PADI4: variants seen among roughly 807,000 people sequenced by gnomAD.
The protein encoded by PADI4 is protein-arginine deiminase type-4.
A neutral mutation model predicts 75.0 loss-of-function variants in PADI4; 62 were observed. The observed-to-expected ratio is 0.83, with a 90% CI of 0.67 to 1.02. The LOEUF is 1.02. Among genes scored for constraint, PADI4 ranks in the 50% least tolerant of loss-of-function variants. PADI4 has a pLI of 0.00. For missense variants in PADI4, 845 were observed against 850.5 expected, an observed-to-expected ratio of 0.99 and a Z score of 0.08; for synonymous variants, 361 against 348.1, an observed-to-expected ratio of 1.04 and a Z score of -0.41.
At position 17,346,109 on chromosome 1, in the gene PADI4, G is replaced by C. The variant is rs1304695412; in HGVS notation, c.1017G>C (p.Glu339Asp). The change falls in exon 9 of 16, where the codon GAG becomes GAC. Residue 339 changes from glutamate (E) to aspartate (D), a missense_variant. Physicochemically the swap from Glu to Asp is conservative, Grantham distance 45 (BLOSUM62 2). Coordinates refer to ENST00000375448, the MANE Select transcript of PADI4 (RefSeq NM_012387.3). This position sits in a 1 kb window ranked among gnomAD's most constrained non-coding sequence, Gnocchi z 4.3. ...KAKCKLTICP[E>D]EENMDDQWMQ... ...AGTGCAAGCTGACCATCTGCCCTGA[G>C]GAGGAGAACATGGATGACCAGTGGA... 6.2e-7 allele frequency: 1 copy of C among 1,613,478 alleles called. No individual in the cohort carries two copies. The highest frequency in any genetic ancestry group is 1.3e-5 in the African/African-American group (1 of 75,042).
At chr1:17,345,960 C>T in intron 8 of PADI4, 68 bp from the exon 9 acceptor site, 1 of 1,061,074 alleles carries the variant, frequency 9.4e-7, no homozygotes, top group South Asian at 1.4e-5. Context: ...CTGTGTGTCC[C>T]TCCCAATCCT....
Position 17,339,601 on chromosome 1 carries a change from G to A in PADI4, c.527-87G>A, listed in dbSNP as rs945052820. ...AGGTCTCAGGGGAGCGGTGGGGTGT[G>A]AGGCTCCACCAGGAGGTGAGGTGGC... On this transcript the variant is annotated intron_variant, in intron 5 of 15. Coordinates refer to ENST00000375448, the MANE Select transcript of PADI4 (RefSeq NM_012387.3). The A allele has an allele frequency of 3.4e-5, 50 of 1,461,792 alleles. 1 individual carries two copies. The highest frequency in any genetic ancestry group is 9.7e-5 in the African/African-American group (7 of 71,950). The allele number at this position is 1,461,792 out of a possible 1,614,324, so 90.6% of individuals were successfully genotyped here.
At chr1:17,357,287 C>A (rs892258755) in intron 13 of PADI4, among the ~76,000 whole-genome samples, 1 of 152,140 alleles carries the variant, frequency 6.6e-6, no homozygotes, top group Non-Finnish European at 1.5e-5. Flanking sequence ...CCTGCCCCAG[C>A]CTTCCGAGTA....
At chr1:17,347,007 G>A (rs1214466315) in intron 9 of PADI4, among the ~76,000 whole-genome samples, 1 of 150,796 alleles carries the variant, frequency 6.6e-6, no homozygotes, top group African/African-American at 2.4e-5. Flanking sequence ...GCTCGATCTC[G>A]GCTCATCACA....
intron 10 of PADI4, among the ~76,000 whole-genome samples, chr1:17,352,113 CTGTGGTCAGAGAGGTGAT>C (rs2074663475): frequency 9.5e-6 from 1 of 105,006 alleles, no homozygotes; most frequent in African/African-American, 4.1e-5. Flanking sequence ...GTAGGAGAGA[CTGTGGTCAGAGAGGTGAT>C]GGGAGGCAGT....
chr1:17,338,958 A>T (rs2074366311), intron 5 of PADI4, among the ~76,000 whole-genome samples: 1 of 152,196 alleles, frequency 6.6e-6, no homozygotes, highest in African/African-American at 2.4e-5. Flanking sequence ...ACATGCGGTA[A>T]TAATCACAAC....
At chr1:17,348,358 G>A (rs1041575124) in intron 10 of PADI4, among the ~76,000 whole-genome samples, 2 of 152,234 alleles carry the variant, frequency 1.3e-5, no homozygotes, top group Non-Finnish European at 2.9e-5. Flanking sequence ...GCTGCAAGGT[G>A]GAGGTGGGGC....
chr1:17,322,927 G>A (rs953496840), intron 1 of PADI4, among the ~76,000 whole-genome samples: 8 of 151,786 alleles, frequency 5.3e-5, no homozygotes, highest in Admixed American at 3.3e-4. Flanking sequence ...AAAACTTAGT[G>A]GCTCAAAATG....
chr1:17,330,268 C>T (rs1305034681), intron 1 of PADI4, among the ~76,000 whole-genome samples: 1 of 152,192 alleles, frequency 6.6e-6, no homozygotes, highest in Non-Finnish European at 1.5e-5. Context: ...AGTACTTACT[C>T]CCCACGGTCA....
At position 17,349,823 on chromosome 1, in the gene PADI4, T is replaced by A. The variant is rs533975469; in HGVS notation, c.1155+1775T>A. Among the ~76,000 whole-genome samples, 12 of 127,170 alleles carry A rather than the reference T, an allele frequency of 9.4e-5. 1 individual carries two copies. The highest frequency in any genetic ancestry group is 3.0e-4 in the African/African-American group (12 of 39,602). The allele number at this position is 127,170 out of a possible 152,430, so 83.4% of individuals were successfully genotyped here. A position where few individuals can be genotyped will look rare whatever the true frequency, so the allele number is the denominator to read the frequency against. On this transcript the variant is annotated intron_variant, in intron 10 of 15. Coordinates refer to ENST00000375448, the MANE Select transcript of PADI4 (RefSeq NM_012387.3). ...ACCAGGCTTTGGCCCCACCTGCCTC[T>A]CCAGCACCATTGTAGGCCACTCTCG...
intron 5 of PADI4, among the ~76,000 whole-genome samples, chr1:17,339,455 C>T (rs2074375114): frequency 6.6e-6 from 1 of 152,156 alleles, no homozygotes. Flanking sequence ...AGGTTACATC[C>T]CCAGCTCATC....
intron 8 of PADI4, 150 bp downstream of exon 8, chr1:17,342,552 G>T: frequency 3.3e-6 from 2 of 613,356 alleles, no homozygotes; most frequent in Non-Finnish European, 5.9e-6. Context: ...AGGCAGGGAA[G>T]TTCCCTACTG....
chr1:17,323,807 T>C (rs1220788329), intron 1 of PADI4, among the ~76,000 whole-genome samples: 6 of 151,914 alleles, frequency 3.9e-5, no homozygotes, highest in African/African-American at 1.5e-4. Flanking sequence ...CACTCCAGCC[T>C]GGGCAACAGA....
In PADI4 at chr1:17,338,063, G is replaced by T. The variant is rs755173627; in HGVS notation, c.434G>T (p.Gly145Val). ...AGGACCTGGACCTGGGGCCCTTGTG[G>T]ACAGGGTGCCATCCTGCTGGTGAAC... ...DQRTWTWGPC[G>V]QGAILLVNCD... The change falls in exon 5 of 16, where the codon GGA becomes GTA. Residue 145 changes from glycine to valine, a missense_variant. Physicochemically the swap from Gly to Val is moderately radical, Grantham distance 109. Coordinates refer to ENST00000375448, the MANE Select transcript of PADI4 (RefSeq NM_012387.3). 1 of 1,613,610 alleles carries T rather than the reference G, an allele frequency of 6.2e-7. No homozygotes were observed. The highest frequency in any genetic ancestry group is 2.2e-5 in the East Asian group (1 of 44,870).
chr1:17,352,018 C>CAGTCAGGGAGGTGATGGGA lies in PADI4; in HGVS notation c.1156-2515_1156-2514insAGTCAGGGAGGTGATGGGA, dbSNP rs1557576585. 9.9e-4 allele frequency among the ~76,000 whole-genome samples: 10 copies of CAGTCAGGGAGGTGATGGGA among 10,090 alleles called. 2 individuals are homozygous for CAGTCAGGGAGGTGATGGGA. Among genetic ancestry groups the CAGTCAGGGAGGTGATGGGA allele is most frequent in the Non-Finnish European group, 1.8e-4 (1 of 5,440 alleles). 6.6% of individuals were successfully genotyped at this position (10,090 alleles called of 152,430 possible). ...GTCAGGGAGGTGATGGGAGGAGAGG[C>CAGTCAGGGAGGTGATGGGA]GGCCAGGGAGGTGATGGGAGGAGAG... On this transcript the variant is annotated intron_variant, in intron 10 of 15. Transcript: ENST00000375448.
At chr1:17,337,740 T>A (rs1748026) in intron 4 of PADI4, among the ~76,000 whole-genome samples, 3 of 151,074 alleles carry the variant, frequency 2.0e-5, no homozygotes, top group African/African-American at 4.9e-5. Flanking sequence ...CATGGTGAAA[T>A]CCCATCTCTA....
intron 3 of PADI4, 66 bp from the exon 4 acceptor site, chr1:17,336,093 G>A (rs529615383): frequency 1.8e-6 from 2 of 1,106,736 alleles, no homozygotes; most frequent in East Asian, 4.7e-5. Flanking sequence ...TGCCCATTCA[G>A]GGCCAGGCTG....
intron 1 of PADI4, among the ~76,000 whole-genome samples, chr1:17,318,586 G>T (rs978397116): frequency 1.8e-4 from 27 of 152,148 alleles, no homozygotes; most frequent in Admixed American, 1.5e-3. Flanking sequence ...TTAATGTCTT[G>T]ATCAGACTTC....
intron 10 of PADI4, among the ~76,000 whole-genome samples, chr1:17,352,077 GGC>G (rs2074659093): frequency 4.4e-5 from 6 of 135,562 alleles, no homozygotes; most frequent in African/African-American, 1.1e-4. Flanking sequence ...TGGGAAGAGA[GGC>G]AGTCAGGGAG....
Sources: gnomAD v4.1 joint callset for allele counts (sites outside exome capture counted in the v4.1 genomes callset) on GRCh38, gnomAD v4.1.1 for gene constraint, Gnocchi (gnomAD v3.1) non-coding constraint, MANE v1.5 for transcripts, NCBI Gene and HGNC (gene_info 2026-07-23, HGNC 2026-07-21) for gene names.